TMEM236: variants seen among roughly 807,000 people sequenced by gnomAD.
TMEM236 encodes the protein family with sequence similarity 23, member A.
TMEM236 carries 11 observed loss-of-function variants against 14.7 expected under a neutral mutation model. The observed-to-expected ratio is 0.75, with a 90% CI of 0.47 to 1.24. The LOEUF (loss-of-function observed/expected upper bound fraction) is 1.24, where lower values mean the gene tolerates loss of function less well. TMEM236 is among the 50% of genes most tolerant of loss of function. The pLI is 0.00. For synonymous variants in TMEM236, 182 were observed against 168.6 expected (o/e 1.08, Z -0.62); for missense variants, 464 against 427.3 (o/e 1.09, Z -0.76).
chr10:17,773,385 G>T (rs2131751031), intron 2 of TMEM236, among the ~76,000 whole-genome samples: 1 of 152,236 alleles, frequency 6.6e-6, no homozygotes, highest in Non-Finnish European at 1.5e-5. Context: ...CCAGGCTGGA[G>T]TGCAGTGGTG....
chr10:17,755,331 A>C (rs925495878), intron 1 of TMEM236, among the ~76,000 whole-genome samples: 11 of 152,190 alleles, frequency 7.2e-5, no homozygotes, highest in Non-Finnish European at 1.5e-4. Context: ...ACGCAAGGGC[A>C]GAAATGTAAA....
intron 1 of TMEM236, among the ~76,000 whole-genome samples, chr10:17,754,932 ATTT>A (rs1395096632): frequency 6.7e-6 from 1 of 150,292 alleles, no homozygotes; most frequent in Non-Finnish European, 1.5e-5. Context: ...TGTTTTATTT[ATTT>A]ATTTATTTAT....
chr10:17,763,746 G>A (rs1384368000), intron 1 of TMEM236, among the ~76,000 whole-genome samples: 2 of 152,298 alleles, frequency 1.3e-5, no homozygotes, highest in Admixed American at 6.5e-5. Context: ...GGTGGGAAAA[G>A]ACCTACTTGC....
At chr10:17,769,620 A>G (rs1039666572) in intron 1 of TMEM236, among the ~76,000 whole-genome samples, 4 of 152,184 alleles carry the variant, frequency 2.6e-5, no homozygotes, top group African/African-American at 9.7e-5. Context: ...TTAGTGTTGT[A>G]GGAACTTGGA....
chr10:17,796,034 C>G lies in TMEM236; in HGVS notation c.586C>G (p.Gln196Glu). The G allele has an allele frequency of 6.2e-7, 1 of 1,613,960 alleles. No individual in the cohort carries two copies. Among genetic ancestry groups the G allele is most frequent in the Non-Finnish European group, 8.5e-7 (1 of 1,179,868 alleles). The change falls in exon 4 of 4, where the codon CAG becomes GAG. Residue 196 changes from glutamine to glutamate, a missense_variant. Gln to Glu is a conservative substitution (Grantham distance 29). Coordinates refer to ENST00000377495, the MANE Select transcript of TMEM236 (RefSeq NM_001098844.3). ...AASPQATNST[Q>E]VSQPSGAMTR... is the part of the protein sequence containing the mutation. ...ATCTCCCCAGGCAACCAACAGCACC[C>G]AGGTGTCGCAGCCATCAGGAGCCAT...
rs1837571380 is a variant in TMEM236, at chr10:17,771,486, T to G, written c.330+105T>G. On this transcript the variant is annotated intron_variant, in intron 2 of 3. Transcript: ENST00000377495. ...TGCTCAACAAATTTCTTGACATCTA[T>G]GTAATCCAATCTTCTTCCAGGTTGC... 3.8e-6 allele frequency: 4 copies of G among 1,064,632 alleles called. No individual in the cohort carries two copies. In the Admixed American group the frequency reaches 6.9e-5, roughly 18 times the overall value. 65.9% of individuals were successfully genotyped at this position (1,064,632 alleles called of 1,614,324 possible).
chr10:17,752,309 G>C lies in TMEM236; in HGVS notation c.14G>C (p.Arg5Thr). The C allele has an allele frequency of 6.2e-7, 1 of 1,613,894 alleles. No homozygotes were observed. The highest frequency in any genetic ancestry group is 8.5e-7 in the Non-Finnish European group (1 of 1,179,852). Residue 5 changes from arginine to threonine, a missense_variant, in exon 1 of 4, where the codon AGG (arginine) becomes ACG (threonine). By Grantham distance (71) the Arg-to-Thr change is moderately conservative. Transcript: ENST00000377495. The part of the protein sequence containing the change: MASG[R>T]LIKFVVFELL... ...CTTTTCCTCAGGATGGCTTCTGGAA[G>C]GCTCATTAAGTTCGTGGTTTTTGAG...
rs1008011731 is a variant in TMEM236, at chr10:17,799,195, T to C, written c.*2691T>C. On this transcript the variant is annotated 3_prime_UTR_variant, in exon 4 of 4. Transcript: ENST00000377495. ...CATTATGTGTTTACTTTTCTGAGTG[T>C]CCTATTAATCTTTATTCCTTAAAGG... The C allele has an allele frequency of 3.0e-4, 48 of 160,944 alleles. No individual in the cohort carries two copies. Among genetic ancestry groups the C allele is most frequent in the Middle Eastern group, 3.3e-3 (1 of 302 alleles). 10.0% of individuals were successfully genotyped at this position (160,944 alleles called of 1,614,324 possible). A position where few individuals can be genotyped will look rare whatever the true frequency, so the allele number is the denominator to read the frequency against.
chr10:17,796,471 G>T lies in TMEM236; in HGVS notation c.1023G>T (p.Arg341Ser). The T allele has an allele frequency of 1.2e-6, 2 of 1,613,298 alleles. No individual in the cohort carries two copies. The highest frequency in any genetic ancestry group is 1.7e-6 in the Non-Finnish European group (2 of 1,179,708). Residue 341 changes from arginine (R) to serine (S), a missense_variant, in exon 4 of 4, where the codon AGG becomes AGT. Physicochemically the swap from Arg to Ser is moderately radical, Grantham distance 110. Transcript: ENST00000377495. Reference sequence around the variant, plus strand: ...ACTTCAATTACCTAACCAGAATCAGGATTTTTTCTGCCTTTGAAATGTCTC... The same window carrying T: ...ACTTCAATTACCTAACCAGAATCAGTATTTTTTCTGCCTTTGAAATGTCTC... ...YIYFNYLTRI[R>S]IFSAFEMSPF
rs955479324 is a variant in TMEM236 at position 17,798,682 on chromosome 10, C to A, written c.*2178C>A. The A allele has an allele frequency of 1.1e-5, 6 of 534,382 alleles. No homozygotes were observed. The highest frequency in any genetic ancestry group is 2.3e-5 in the Non-Finnish European group (6 of 259,926). 33.1% of individuals were successfully genotyped at this position (534,382 alleles called of 1,614,324 possible). On this transcript the variant is annotated 3_prime_UTR_variant, in exon 4 of 4. Transcript: ENST00000377495. ...TTTACTCACAGTTGTTAAAAGCTTGCCTTCCAGCTTTCTAATTTGAGGTAG... is the reference window on the plus strand; with the variant it reads ...TTTACTCACAGTTGTTAAAAGCTTGACTTCCAGCTTTCTAATTTGAGGTAG...
rs1589145032 is a variant in TMEM236, at chr10:17,771,367, A to G, written c.316A>G (p.Ile106Val). The G allele has an allele frequency of 1.2e-6, 2 of 1,613,778 alleles. No homozygotes were observed. Among genetic ancestry groups the G allele is most frequent in the African/African-American group, 2.7e-5 (2 of 74,934 alleles). The stretch of plus-strand genomic sequence containing the variant: ...CACACTGCCCTGCCTCACCTTTTCC[A>G]TAGCAGTGACTGAGGTATGGAATTT... ...LTTLPCLTFS[I>V]AVTEVQKSIN... Residue 106 changes from isoleucine to valine, a missense_variant, in exon 2 of 4, where the codon ATA (isoleucine) becomes GTA (valine). By Grantham distance (29) the Ile-to-Val change is conservative (BLOSUM62 3). Transcript: ENST00000377495.
rs1837738785 is a variant in TMEM236, at chr10:17,781,033, C to T, written c.472+4863C>T. 2.0e-5 allele frequency among the ~76,000 whole-genome samples: 3 copies of T among 152,284 alleles called. No homozygotes were observed. The South Asian group carries it at 6.2e-4, about 32-fold the overall frequency. On this transcript the variant is annotated intron_variant, in intron 3 of 3. Transcript: ENST00000377495. ...TTCCACTTGGCTGGTGCCATGTTGC[C>T]TGCTCCTCACTGTACATGCAGCTGG... is the stretch of plus-strand genomic sequence containing the variant.
At chr10:17,776,637 A>G (rs1334917803) in intron 3 of TMEM236, among the ~76,000 whole-genome samples, 1 of 152,174 alleles carries the variant, frequency 6.6e-6, no homozygotes, top group African/African-American at 2.4e-5. Flanking sequence ...AGATCACACT[A>G]ATAAAACCAA....
intron 1 of TMEM236, among the ~76,000 whole-genome samples, chr10:17,769,187 A>G (rs1837528159): frequency 1.3e-5 from 2 of 152,256 alleles, no homozygotes; most frequent in South Asian, 4.1e-4. Flanking sequence ...ACAGGAAACC[A>G]GTTAGGAAAT....
At chr10:17,763,533 C>T (rs1837410472) in intron 1 of TMEM236, among the ~76,000 whole-genome samples, 1 of 152,210 alleles carries the variant, frequency 6.6e-6, no homozygotes, top group Admixed American at 6.5e-5. Flanking sequence ...CAGCCCACTA[C>T]AGTGCCTTGA....
At chr10:17,786,838 T>C (rs1272755133) in intron 3 of TMEM236, among the ~76,000 whole-genome samples, 2 of 152,214 alleles carry the variant, frequency 1.3e-5, no homozygotes, top group African/African-American at 2.4e-5. Context: ...GGGGAGGTAA[T>C]TGAATCATAG....
At chr10:17,756,300 A>ATTTTTTTTTTTTTTTTT (rs1388119547) in intron 1 of TMEM236, among the ~76,000 whole-genome samples, 1 of 150,370 alleles carries the variant, frequency 6.7e-6, no homozygotes, top group African/African-American at 2.5e-5. Flanking sequence ...CTCATAAAGT[A>ATTTTTTTTTTTTTTTTT]TTTTTTTTCT....
intron 3 of TMEM236, among the ~76,000 whole-genome samples, chr10:17,788,618 A>T (rs919698069): frequency 3.3e-5 from 5 of 152,162 alleles, no homozygotes; most frequent in Non-Finnish European, 7.4e-5. Context: ...AAAAGTTAAA[A>T]AATTTTAAAC....
At position 17,752,534 on chromosome 10, in the gene TMEM236, A is replaced by T; in HGVS notation, c.239A>T (p.Tyr80Phe). The T allele has an allele frequency of 1.9e-6, 3 of 1,613,826 alleles. No homozygotes were observed. Among genetic ancestry groups the T allele is most frequent in the Non-Finnish European group, 2.5e-6 (3 of 1,179,786 alleles). Residue 80 changes from tyrosine (Y) to phenylalanine (F), a missense_variant, in exon 1 of 4, where the codon TAC (tyrosine) becomes TTC (phenylalanine). Physicochemically the swap from Tyr to Phe is conservative, Grantham distance 22. Transcript: ENST00000377495. ...KVILHKKRYI[Y>F]RKIKGWRPVL... is the part of the protein sequence containing the mutation. ...ATCCTGCACAAGAAACGTTATATTT[A>T]CAGAAAAATTAAAGGATGGTAAGTA...
Sources: allele counts gnomAD v4.1 joint callset (sites outside exome capture counted in the v4.1 genomes callset), GRCh38; gene constraint gnomAD v4.1.1; transcripts MANE v1.5; gene names NCBI Gene and HGNC (gene_info 2026-07-23, HGNC 2026-07-21).